Variants in SGCZ observed in about 807,000 individuals in gnomAD.
The protein encoded by SGCZ is sarcoglycan zeta.
SGCZ carries 40 observed loss-of-function variants against 41.3 expected under a neutral mutation model. The observed-to-expected ratio is 0.97, with a 90% CI of 0.75 to 1.26. SGCZ has a LOEUF of 1.26. SGCZ is among the 50% of genes most tolerant of loss of function. The pLI, the probability that SGCZ is intolerant of heterozygous loss-of-function variation, is 0.00. For missense variants in SGCZ, 552 were observed against 369.8 expected (o/e 1.49, Z -4.04); for synonymous variants, 206 against 137.5 (o/e 1.50, Z -3.49).
At chr8:14,235,133 G>A (rs963959301) in intron 4 of SGCZ, among the ~76,000 whole-genome samples, 1 of 152,096 alleles carries the variant, frequency 6.6e-6, no homozygotes, top group Admixed American at 6.6e-5. Context: ...ATGAGAAAAC[G>A]GAGTGTCCAA....
intron 1 of SGCZ, among the ~76,000 whole-genome samples, chr8:14,749,165 T>C (rs1031350846): frequency 1.3e-5 from 2 of 152,312 alleles, no homozygotes; most frequent in Middle Eastern, 3.4e-3. Flanking sequence ...ATTATATTTA[T>C]AATTACCAAA....
intron 2 of SGCZ, among the ~76,000 whole-genome samples, chr8:14,374,303 C>A (rs545608825): frequency 6.6e-6 from 1 of 152,078 alleles, no homozygotes; most frequent in African/African-American, 2.4e-5. Flanking sequence ...AACCTGTGCC[C>A]AGGAGGTCAC....
chr8:14,202,475 T>C (rs1223945338), intron 4 of SGCZ, among the ~76,000 whole-genome samples: 2 of 152,152 alleles, frequency 1.3e-5, no homozygotes, highest in Non-Finnish European at 2.9e-5. Context: ...TCTTGTCTAT[T>C]TCATATTGGG....
At chr8:14,622,595 A>T (rs1010952461) in intron 1 of SGCZ, among the ~76,000 whole-genome samples, 4 of 152,184 alleles carry the variant, frequency 2.6e-5, no homozygotes, top group African/African-American at 4.8e-5. Context: ...TGAAAATAAA[A>T]TGTTTACTCA....
intron 4 of SGCZ, among the ~76,000 whole-genome samples, chr8:14,226,433 G>T (rs141503998): frequency 5.1e-4 from 77 of 152,072 alleles, no homozygotes; most frequent in African/African-American, 1.7e-3. Context: ...GCATGAATCT[G>T]GTTTTACCAT....
chr8:14,701,916 G>A (rs1223336913), intron 1 of SGCZ, among the ~76,000 whole-genome samples: 1 of 151,604 alleles, frequency 6.6e-6, no homozygotes, highest in African/African-American at 2.4e-5. Flanking sequence ...TGTTTAAAAC[G>A]AACAAACTAA....
intron 2 of SGCZ, among the ~76,000 whole-genome samples, chr8:14,457,637 A>T (rs1800786984): frequency 6.6e-6 from 1 of 152,186 alleles, no homozygotes; most frequent in African/African-American, 2.4e-5. Context: ...TAGCAGTAGT[A>T]AATTAGTGAA....
At chr8:14,294,352 T>C (rs980874195) in intron 3 of SGCZ, among the ~76,000 whole-genome samples, 1 of 151,946 alleles carries the variant, frequency 6.6e-6, no homozygotes, top group Non-Finnish European at 1.5e-5. Flanking sequence ...CAAACTTTTT[T>C]GTGACCATCT....
chr8:14,281,025 A>C (rs1035694322), intron 3 of SGCZ, among the ~76,000 whole-genome samples: 1 of 151,896 alleles, frequency 6.6e-6, no homozygotes, highest in African/African-American at 2.4e-5. Context: ...TTTCCCTGCT[A>C]ATCTATATAC....
At chr8:14,992,987 C>G (rs1477933012) in intron 1 of SGCZ, among the ~76,000 whole-genome samples, 1 of 151,054 alleles carries the variant, frequency 6.6e-6, no homozygotes, top group Non-Finnish European at 1.5e-5. Flanking sequence ...ACCCCCAAAA[C>G]TAGTGTTACC....
At chr8:15,017,569 A>ATGG (rs1803084541) in intron 1 of SGCZ, among the ~76,000 whole-genome samples, 1 of 152,114 alleles carries the variant, frequency 6.6e-6, no homozygotes, top group East Asian at 1.9e-4. Flanking sequence ...TGGCACAACC[A>ATGG]CGGCTCAATG....
At chr8:14,953,890 T>C (rs1281180605) in intron 1 of SGCZ, among the ~76,000 whole-genome samples, 3 of 152,212 alleles carry the variant, frequency 2.0e-5, no homozygotes, top group Non-Finnish European at 4.4e-5. Flanking sequence ...GCCTAAAATA[T>C]GTTTATGTTT....
intron 1 of SGCZ, among the ~76,000 whole-genome samples, chr8:14,584,583 T>A (rs1464312734): frequency 6.6e-6 from 1 of 152,140 alleles, no homozygotes; most frequent in Non-Finnish European, 1.5e-5. Flanking sequence ...ATGATTAGGT[T>A]ACAAAGTAAT....
chr8:14,487,969 C>G (rs7827041), intron 2 of SGCZ: 31,873 of 115,622 alleles, frequency 0.28, 2,568 homozygotes, highest in Admixed American at 0.33. Flanking sequence ...GATCTTTTGG[C>G]TTTCCAGGAA....
intron 2 of SGCZ, among the ~76,000 whole-genome samples, chr8:14,503,683 G>A (rs192499302): frequency 2.0e-5 from 3 of 151,888 alleles, no homozygotes. Flanking sequence ...CAGGAGAATC[G>A]CTTGAACCTG....
chr8:14,327,691 A>G (rs769278686), intron 2 of SGCZ, among the ~76,000 whole-genome samples: 4 of 152,142 alleles, frequency 2.6e-5, no homozygotes, highest in African/African-American at 4.8e-5. Context: ...TTTTCTTCTT[A>G]TATTTTCTAC....
chr8:14,133,606 G>A (rs2117062975), intron 5 of SGCZ, among the ~76,000 whole-genome samples: 1 of 152,268 alleles, frequency 6.6e-6, no homozygotes, highest in Non-Finnish European at 1.5e-5. Context: ...ACAGGATTGG[G>A]TAGGACAAGT....
At chr8:15,207,722 GAAGTAGCCAGA>G (rs1409533269) in intron 1 of SGCZ, among the ~76,000 whole-genome samples, 1 of 151,202 alleles carries the variant, frequency 6.6e-6, no homozygotes, top group Non-Finnish European at 1.5e-5. Flanking sequence ...GAAGTGAAAA[GAAGTAGCCAGA>G]AAGAACAGTA....
intron 3 of SGCZ, among the ~76,000 whole-genome samples, chr8:14,274,556 C>T (rs192798856): frequency 6.6e-6 from 1 of 152,262 alleles, no homozygotes; most frequent in East Asian, 1.9e-4. Context: ...GGATTTAATA[C>T]AGTCTTCACT....
Sources: allele counts gnomAD v4.1 joint callset (sites outside exome capture counted in the v4.1 genomes callset), GRCh38; gene constraint gnomAD v4.1.1; transcripts MANE v1.5; gene names NCBI Gene and HGNC (gene_info 2026-07-23, HGNC 2026-07-21).